Variants in MAN1C1 observed in about 807,000 individuals in gnomAD.
MAN1C1 encodes mannosidase alpha class 1C member 1.
MAN1C1 carries 49 observed loss-of-function variants against 71.5 expected under a neutral mutation model. The observed-to-expected ratio is 0.69, with a 90% CI of 0.54 to 0.87. The LOEUF is 0.87. Among genes scored for constraint, MAN1C1 ranks in the 40% least tolerant of loss-of-function variants. The pLI is 0.00. For synonymous variants in MAN1C1, 352 were observed against 343.7 expected (o/e 1.02, Z -0.27); for missense variants, 743 against 835.0 (o/e 0.89, Z 1.36).
At position 25,617,636 on chromosome 1, in the gene MAN1C1, G is replaced by GCTCCA; in HGVS notation, c.-162_-161insCTCCA. On this transcript the variant is annotated 5_prime_UTR_variant, in exon 1 of 12. Coordinates refer to ENST00000374332, the MANE Select transcript of MAN1C1 (RefSeq NM_020379.4). This position sits in a 1 kb window ranked among gnomAD's most constrained non-coding sequence, Gnocchi z 5.1. ...CGGGAGGACTCGCTCCAAACTCCCT[G>GCTCCA]AACTTCGGGGACAGTCCCCCGAAGC... The GCTCCA allele has an allele frequency of 3.4e-6, 2 of 581,888 alleles. No homozygotes were observed. The highest frequency in any genetic ancestry group is 5.7e-6 in the Non-Finnish European group (2 of 349,072). 36.0% of individuals were successfully genotyped at this position (581,888 alleles called of 1,614,324 possible). A position where few individuals can be genotyped will look rare whatever the true frequency, so the allele number is the denominator to read the frequency against.
At chr1:25,639,088 A>G (rs2045503407) in intron 1 of MAN1C1, among the ~76,000 whole-genome samples, 1 of 151,908 alleles carries the variant, frequency 6.6e-6, no homozygotes, top group Non-Finnish European at 1.5e-5. Context: ...ATTTATAGTA[A>G]CCTATCTTTA....
chr1:25,720,357 C>T (rs1219355812), intron 2 of MAN1C1, among the ~76,000 whole-genome samples: 1 of 152,036 alleles, frequency 6.6e-6, no homozygotes, highest in African/African-American at 2.4e-5. Context: ...ATTACAGGCA[C>T]GCACCGCCAT....
At chr1:25,626,348 A>G (rs939481568) in intron 1 of MAN1C1, among the ~76,000 whole-genome samples, 2 of 147,456 alleles carry the variant, frequency 1.4e-5, no homozygotes, top group Non-Finnish European at 3.0e-5. Context: ...TTTATTTGCT[A>G]TTTCTTTCTT....
In MAN1C1 at chr1:25,631,911, AC is replaced by A. The variant is rs2045386657; in HGVS notation, c.540+13575del. Among the ~76,000 whole-genome samples, 2 of 152,146 alleles carry A rather than the reference AC, an allele frequency of 1.3e-5. No homozygotes were observed. Among genetic ancestry groups the A allele is most frequent in the Middle Eastern group, 3.2e-3 (1 of 316 alleles). On this transcript the variant is annotated intron_variant, in intron 1 of 11. Coordinates refer to ENST00000374332, the MANE Select transcript of MAN1C1 (RefSeq NM_020379.4). The surrounding 1 kb of genome is among the most constrained non-coding windows in gnomAD (Gnocchi z 4.2). ...CTCAGCTGCCTGAGTAGCTGGGACT[AC>A]AGGTGCATGCCACTACGCACGGCTA...
At chr1:25,773,199 T>G (rs1310492314) in intron 8 of MAN1C1, among the ~76,000 whole-genome samples, 1 of 145,354 alleles carries the variant, frequency 6.9e-6, no homozygotes, top group Non-Finnish European at 1.5e-5. Flanking sequence ...AATGAATGCA[T>G]GGGTGCATGA....
intron 2 of MAN1C1, among the ~76,000 whole-genome samples, chr1:25,690,571 A>T (rs1230379666): frequency 6.6e-6 from 1 of 152,184 alleles, no homozygotes; most frequent in African/African-American, 2.4e-5. Flanking sequence ...GATTACAGGC[A>T]TGAGCCACTG....
intron 1 of MAN1C1, among the ~76,000 whole-genome samples, chr1:25,638,561 G>A (rs1394683792): frequency 6.6e-6 from 1 of 151,758 alleles, no homozygotes; most frequent in African/African-American, 2.4e-5. Flanking sequence ...CATTTTTTTT[G>A]TAGTGTAGAT....
chr1:25,656,093 G>GTTTTTTTTTT (rs1557751359), intron 1 of MAN1C1, among the ~76,000 whole-genome samples: 1 of 79,896 alleles, frequency 1.3e-5, no homozygotes, highest in African/African-American at 1.1e-4. Context: ...GGGATTATCA[G>GTTTTTTTTTT]TCTTTTTTTT....
intron 1 of MAN1C1, among the ~76,000 whole-genome samples, chr1:25,663,783 G>A (rs1281411065): frequency 1.3e-5 from 2 of 152,170 alleles, no homozygotes; most frequent in African/African-American, 4.8e-5. Flanking sequence ...GAGCAGAGTG[G>A]TAGCACTCTA....
intron 1 of MAN1C1, among the ~76,000 whole-genome samples, chr1:25,648,639 T>G (rs1434793984): frequency 1.3e-5 from 2 of 152,184 alleles, no homozygotes; most frequent in Admixed American, 6.5e-5. Context: ...TCACCTGGAG[T>G]TGGCAGAAAT....
intron 1 of MAN1C1, among the ~76,000 whole-genome samples, chr1:25,655,506 G>C (rs1227015935): frequency 6.6e-6 from 1 of 152,194 alleles, no homozygotes; most frequent in African/African-American, 2.4e-5. Flanking sequence ...GGCTTCAAGG[G>C]AGTGAGCTGA....
intron 1 of MAN1C1, among the ~76,000 whole-genome samples, chr1:25,621,483 T>C (rs2045207622): frequency 6.6e-6 from 1 of 152,170 alleles, no homozygotes; most frequent in African/African-American, 2.4e-5. Flanking sequence ...GGGTTTCTTA[T>C]GGATTCAAGT....
intron 2 of MAN1C1, among the ~76,000 whole-genome samples, chr1:25,689,099 T>C (rs913518826): frequency 6.6e-6 from 1 of 152,158 alleles, no homozygotes; most frequent in Non-Finnish European, 1.5e-5. Context: ...ACTCCTTCAC[T>C]CCATATGTAA....
intron 1 of MAN1C1, among the ~76,000 whole-genome samples, chr1:25,624,998 A>ATTTTTTTTT (rs1032269792): frequency 2.0e-4 from 20 of 101,602 alleles, no homozygotes; most frequent in African/African-American, 4.0e-4. Context: ...AAATGCACAG[A>ATTTTTTTTT]TTTTTTTTTT....
chr1:25,770,077 C>T (rs957241905), intron 7 of MAN1C1, among the ~76,000 whole-genome samples: 4 of 152,102 alleles, frequency 2.6e-5, no homozygotes, highest in Non-Finnish European at 5.9e-5. Context: ...TGACTTCCAG[C>T]CTCCCCGGCC....
At chr1:25,645,526 G>T (rs370337561) in intron 1 of MAN1C1, 2 of 152,228 alleles carry the variant, frequency 1.3e-5, no homozygotes, top group African/African-American at 4.8e-5. Flanking sequence ...CATTGCTCTC[G>T]AGGAAAGGAA....
chr1:25,637,114 C>T (rs1308597011), intron 1 of MAN1C1, among the ~76,000 whole-genome samples: 1 of 151,856 alleles, frequency 6.6e-6, no homozygotes. Context: ...GAGATCGCGC[C>T]ACTGCACTCC....
rs1281437833 is a variant in MAN1C1 at position 25,782,633 on chromosome 1, GACGTGT to G, written c.1702_1707del (p.Val568_Tyr569del). ...AGAAGCCGGTTTCTCTGGGATCCAA[GACGTGT>G]ACAGTAGCACCCCCAACCACGACAA... On this transcript the variant is annotated inframe_deletion, in exon 11 of 12. Coordinates refer to ENST00000374332, the MANE Select transcript of MAN1C1 (RefSeq NM_020379.4). The surrounding 1 kb of genome is among the most constrained non-coding windows in gnomAD (Gnocchi z 4.4). 2 of 1,613,996 alleles carry G rather than the reference GACGTGT, an allele frequency of 1.2e-6. No homozygotes were observed. The highest frequency in any genetic ancestry group is 2.7e-5 in the African/African-American group (2 of 74,902).
intron 2 of MAN1C1, among the ~76,000 whole-genome samples, chr1:25,695,008 C>T (rs1488513716): frequency 6.6e-6 from 1 of 152,134 alleles, no homozygotes; most frequent in East Asian, 1.9e-4. Flanking sequence ...TGCAGGTATA[C>T]ACACCCTTCC....
Sources: allele counts gnomAD v4.1 joint callset (sites outside exome capture counted in the v4.1 genomes callset), GRCh38; gene constraint gnomAD v4.1.1; non-coding constraint Gnocchi (gnomAD v3.1); transcripts MANE v1.5; gene names NCBI Gene and HGNC (gene_info 2026-07-23, HGNC 2026-07-21).